The following PRKCH variants were observed in gnomAD, a reference collection of about 807,000 sequenced individuals.
PRKCH encodes the protein protein kinase C eta.
In PRKCH, 28 loss-of-function variants were observed where a neutral mutation model predicts 82.5. The ratio of observed to expected loss-of-function variants is 0.34; its 90% CI spans 0.25 to 0.47. PRKCH has a LOEUF of 0.47. Ranked by LOEUF, PRKCH falls within the 20% of genes least tolerant of loss-of-function variation. PRKCH has a pLI of 1.00. For synonymous variants in PRKCH, 322 were observed against 327.4 expected (o/e 0.98, Z 0.18); for missense variants, 705 against 881.8 (o/e 0.80, Z 2.54).
At chr14:61,487,498 C>T (rs1043657881) in intron 10 of PRKCH, among the ~76,000 whole-genome samples, 1 of 152,112 alleles carries the variant, frequency 6.6e-6, no homozygotes, top group Non-Finnish European at 1.5e-5. Context: ...GGGAGTTAAG[C>T]GTCGTCCTCA....
chr14:61,244,330 T>C (rs1004640914), intron 1 of PRKCH, among the ~76,000 whole-genome samples: 1 of 152,190 alleles, frequency 6.6e-6, no homozygotes, highest in African/African-American at 2.4e-5. Context: ...GCCGATTAAC[T>C]GTAGTTCAAG....
At chr14:61,393,225 T>C (rs8004223) in intron 2 of PRKCH, among the ~76,000 whole-genome samples, 2,957 of 152,270 alleles carry the variant, frequency 0.019, 95 homozygotes, top group African/African-American at 0.068. Context: ...TTTTTGTATG[T>C]TTAAGGTTAT....
chr14:61,499,476 A>G (rs1423395543), intron 10 of PRKCH, among the ~76,000 whole-genome samples: 2 of 152,080 alleles, frequency 1.3e-5, no homozygotes, highest in Admixed American at 6.6e-5. Flanking sequence ...AGCAATGGGA[A>G]GGTGGCGCTT....
intron 1 of PRKCH, among the ~76,000 whole-genome samples, chr14:61,264,966 GTT>G (rs921543629): frequency 3.9e-5 from 6 of 152,114 alleles, no homozygotes; most frequent in Non-Finnish European, 8.8e-5. Context: ...GTAGGAAGAT[GTT>G]TAAGATCACT....
At chr14:61,531,923 A>AAG (rs2043048201) in intron 12 of PRKCH, among the ~76,000 whole-genome samples, 1 of 152,330 alleles carries the variant, frequency 6.6e-6, no homozygotes, top group East Asian at 1.9e-4. Flanking sequence ...TTGTGCCATG[A>AAG]AGTTTCTTAA....
chr14:61,293,433 T>G (rs113942273), intron 1 of PRKCH, among the ~76,000 whole-genome samples: 8,880 of 152,228 alleles, frequency 0.058, 444 homozygotes, highest in East Asian at 0.16. Flanking sequence ...CCCCTCCCCT[T>G]AAGGTCCACA....
chr14:61,491,039 A>G (rs986718075), intron 10 of PRKCH, among the ~76,000 whole-genome samples: 1 of 151,926 alleles, frequency 6.6e-6, no homozygotes, highest in Non-Finnish European at 1.5e-5. Flanking sequence ...AACTGTGGCA[A>G]TCTCTCTCTG....
At chr14:61,200,934 T>C (rs2044476623) in intron 1 of PRKCH, among the ~76,000 whole-genome samples, 1 of 152,124 alleles carries the variant, frequency 6.6e-6, no homozygotes, top group Non-Finnish European at 1.5e-5. Context: ...TTCCCACTTA[T>C]AAGAGGGGAC....
At position 61,457,811 on chromosome 14, in the gene PRKCH, G is replaced by C. The variant is rs375828622; in HGVS notation, c.1278+132G>C. The C allele has an allele frequency of 5.5e-6, 7 of 1,262,980 alleles. No homozygotes were observed. The African/African-American group carries it at 9.0e-5, about 16-fold the overall frequency. 78.2% of individuals were successfully genotyped at this position (1,262,980 alleles called of 1,614,324 possible). Reference sequence around the variant, plus strand: ...TGGGCTCCCAAGGCAGGGTCATATGGAGGTATTGGTGACTTCTGCCAACCT... The same window carrying C: ...TGGGCTCCCAAGGCAGGGTCATATGCAGGTATTGGTGACTTCTGCCAACCT... On this transcript the variant is annotated intron_variant, in intron 9 of 13. Coordinates refer to ENST00000332981, the MANE Select transcript of PRKCH (RefSeq NM_006255.5).
chr14:61,377,431 T>A (rs559832136), intron 1 of PRKCH, among the ~76,000 whole-genome samples: 2 of 152,242 alleles, frequency 1.3e-5, no homozygotes, highest in Non-Finnish European at 1.5e-5. Flanking sequence ...TCTATTTGAG[T>A]ACTTTTGTGT....
chr14:61,405,963 G>A (rs1029727111), intron 2 of PRKCH, among the ~76,000 whole-genome samples: 1 of 152,124 alleles, frequency 6.6e-6, no homozygotes, highest in Non-Finnish European at 1.5e-5. Context: ...AATGCCAAGA[G>A]GATCTGTTTT....
At chr14:61,360,460 G>A (rs545819306) in intron 1 of PRKCH, among the ~76,000 whole-genome samples, 34 of 152,016 alleles carry the variant, frequency 2.2e-4, no homozygotes, top group Non-Finnish European at 3.2e-4. Context: ...AGCCGAAGTC[G>A]CGCCACTGCA....
intron 1 of PRKCH, chr14:61,305,073 G>A (rs979686072): frequency 6.6e-6 from 1 of 151,830 alleles, no homozygotes; most frequent in African/African-American, 2.4e-5. Flanking sequence ...CTTGGAGTTT[G>A]TTGATTCTTC....
chr14:61,197,447 G>T (rs941147640), intron 1 of PRKCH, among the ~76,000 whole-genome samples: 4 of 152,152 alleles, frequency 2.6e-5, no homozygotes. Flanking sequence ...AGCCATGTCT[G>T]GTGAGGGCCT....
chr14:61,236,014 T>C (rs1481650897), intron 1 of PRKCH, among the ~76,000 whole-genome samples: 1 of 152,196 alleles, frequency 6.6e-6, no homozygotes, highest in Non-Finnish European at 1.5e-5. Flanking sequence ...TACCCTCCTT[T>C]TTTTGGAATT....
At chr14:61,261,588 A>AAGGC (rs1231568056) in intron 1 of PRKCH, among the ~76,000 whole-genome samples, 1 of 152,202 alleles carries the variant, frequency 6.6e-6, no homozygotes, top group African/African-American at 2.4e-5. Flanking sequence ...TCAGCAGGGG[A>AAGGC]AGGCTCTCTT....
At chr14:61,536,935 C>T (rs1477672510) in intron 12 of PRKCH, among the ~76,000 whole-genome samples, 6 of 152,150 alleles carry the variant, frequency 3.9e-5, no homozygotes, top group Non-Finnish European at 7.3e-5. Context: ...TTCCTATAGA[C>T]GTGGGTAGTG....
At chr14:61,189,348 C>G (rs1175531808) in intron 1 of PRKCH, among the ~76,000 whole-genome samples, 2 of 151,892 alleles carry the variant, frequency 1.3e-5, no homozygotes, top group Admixed American at 6.6e-5. Flanking sequence ...TTGCAAAATT[C>G]TCAAGTTTAG....
intron 2 of PRKCH, among the ~76,000 whole-genome samples, chr14:61,438,102 T>C (rs1028932243): frequency 6.6e-6 from 1 of 152,160 alleles, no homozygotes; most frequent in African/African-American, 2.4e-5. Context: ...TTATGTTCTA[T>C]AGATGAGGAA....
Sources: allele counts gnomAD v4.1 joint callset (sites outside exome capture counted in the v4.1 genomes callset), GRCh38; gene constraint gnomAD v4.1.1; transcripts MANE v1.5; gene names NCBI Gene and HGNC (gene_info 2026-07-23, HGNC 2026-07-21).